Variants in SPAG16 observed in about 807,000 individuals in gnomAD.
SPAG16 encodes the protein sperm-associated antigen 16 protein.
Under a neutral mutation model 80.4 loss-of-function variants are expected in SPAG16, and 86 were observed. That is an observed-to-expected ratio of 1.07 (90% CI 0.90 to 1.28). The LOEUF is 1.28. Ranked by LOEUF, SPAG16 falls within the 50% of genes most tolerant of loss-of-function variation. The pLI, the probability that SPAG16 is intolerant of heterozygous loss-of-function variation, is 0.00. For synonymous variants in SPAG16, 294 were observed against 265.9 expected (o/e 1.11, Z -1.03); for missense variants, 870 against 765.3 (o/e 1.14, Z -1.61).
At chr2:214,014,384 G>T (rs2047481779) in intron 13 of SPAG16, among the ~76,000 whole-genome samples, 1 of 152,186 alleles carries the variant, frequency 6.6e-6, no homozygotes. Flanking sequence ...CCTCCTTAAG[G>T]ATCTTTTAGC....
chr2:213,609,161 C>T (rs2061362963), intron 10 of SPAG16, among the ~76,000 whole-genome samples: 1 of 152,226 alleles, frequency 6.6e-6, no homozygotes, highest in Non-Finnish European at 1.5e-5. Context: ...ACATTATCCA[C>T]TGAATTTTTC....
At chr2:213,886,670 A>T (rs2076567925) in intron 11 of SPAG16, among the ~76,000 whole-genome samples, 1 of 152,132 alleles carries the variant, frequency 6.6e-6, no homozygotes, top group African/African-American at 2.4e-5. Flanking sequence ...GGAAACAAGC[A>T]ACTATCACAG....
intron 14 of SPAG16, among the ~76,000 whole-genome samples, chr2:214,111,636 T>C (rs2053669392): frequency 6.6e-6 from 1 of 152,128 alleles, no homozygotes; most frequent in African/African-American, 2.4e-5. Context: ...TTCCTGAACT[T>C]TAAAGTAGTT....
chr2:214,097,044 A>G (rs1357029787), intron 13 of SPAG16, among the ~76,000 whole-genome samples: 1 of 152,076 alleles, frequency 6.6e-6, no homozygotes, highest in East Asian at 1.9e-4. Context: ...AAATTGCTCT[A>G]TTGTATTAAA....
intron 9 of SPAG16, among the ~76,000 whole-genome samples, chr2:213,446,968 G>A (rs2071357636): frequency 6.6e-6 from 1 of 152,170 alleles, no homozygotes; most frequent in Admixed American, 6.5e-5. Context: ...ACAAATGAAA[G>A]GGGGAGTAAT....
chr2:213,362,079 G>T (rs1395909344), intron 7 of SPAG16, among the ~76,000 whole-genome samples: 1 of 151,996 alleles, frequency 6.6e-6, no homozygotes, highest in East Asian at 1.9e-4. Flanking sequence ...CCCAGATGTT[G>T]GGCACAAGGG....
chr2:213,994,669 T>C (rs1309352027), intron 12 of SPAG16, among the ~76,000 whole-genome samples: 3 of 151,978 alleles, frequency 2.0e-5, no homozygotes, highest in African/African-American at 7.2e-5. Context: ...GTGGATTTCC[T>C]TACATATTCA....
In SPAG16 at chr2:214,194,228, G is replaced by C. The variant is rs376546548; in HGVS notation, c.1720+44962G>C. On this transcript the variant is annotated intron_variant, in intron 15 of 15. Coordinates refer to ENST00000331683, the MANE Select transcript of SPAG16 (RefSeq NM_024532.5). ...ATACATGAAAATTCACTTCAGTCTTGATTAAAGACAAAATATGCCCTGGAT... is the reference window on the plus strand; with the variant it reads ...ATACATGAAAATTCACTTCAGTCTTCATTAAAGACAAAATATGCCCTGGAT... Among the ~76,000 whole-genome samples the C allele has an allele frequency of 1.1e-4, 17 of 152,074 alleles. No individual in the cohort carries two copies. In the South Asian group the frequency reaches 3.5e-3, roughly 32 times the overall value.
At chr2:213,908,701 AC>A (rs1352503286) in intron 11 of SPAG16, among the ~76,000 whole-genome samples, 1 of 151,606 alleles carries the variant, frequency 6.6e-6, no homozygotes, top group Non-Finnish European at 1.5e-5. Flanking sequence ...AGGCAGGAAC[AC>A]TTGGATATAG....
At chr2:213,983,827 G>A (rs2045881814) in intron 12 of SPAG16, among the ~76,000 whole-genome samples, 1 of 151,978 alleles carries the variant, frequency 6.6e-6, no homozygotes, top group African/African-American at 2.4e-5. Context: ...AGAGCATAAT[G>A]TAGATAGAAA....
At chr2:213,724,095 G>T (rs558130932) in intron 10 of SPAG16, among the ~76,000 whole-genome samples, 2 of 152,124 alleles carry the variant, frequency 1.3e-5, no homozygotes, top group South Asian at 2.1e-4. Flanking sequence ...AACAGACATA[G>T]GTCTGCTTCT....
At chr2:213,742,479 C>T (rs537188754) in intron 10 of SPAG16, among the ~76,000 whole-genome samples, 1 of 151,828 alleles carries the variant, frequency 6.6e-6, no homozygotes, top group Non-Finnish European at 1.5e-5. Context: ...CCACTGATCA[C>T]CTCACATAAA....
intron 14 of SPAG16, among the ~76,000 whole-genome samples, chr2:214,145,137 G>T (rs1042656391): frequency 3.9e-5 from 6 of 151,928 alleles, no homozygotes; most frequent in African/African-American, 1.4e-4. Context: ...AATTATTAAT[G>T]ACCTCATTAA....
chr2:213,505,080 A>G (rs1467193520), intron 10 of SPAG16, among the ~76,000 whole-genome samples: 1 of 152,214 alleles, frequency 6.6e-6, no homozygotes, highest in African/African-American at 2.4e-5. Context: ...TGTATCAGTG[A>G]CATTTTGGTA....
At position 213,836,455 on chromosome 2, in the gene SPAG16, A is replaced by G. The variant is rs532299409; in HGVS notation, c.1071-26030A>G. Among the ~76,000 whole-genome samples, 5 of 152,104 alleles carry G rather than the reference A, an allele frequency of 3.3e-5. No homozygotes were observed. The South Asian group carries it at 1.0e-3, about 32-fold the overall frequency. On this transcript the variant is annotated intron_variant, in intron 10 of 15. Transcript: ENST00000331683. ...AAAAACATTGCTGTTATTATTTTGC[A>G]TTTGCATTGGTTGTTATGATGCTTT... is the stretch of plus-strand genomic sequence containing the variant.
intron 15 of SPAG16, among the ~76,000 whole-genome samples, chr2:214,217,560 C>G (rs1412822192): frequency 6.6e-6 from 1 of 152,298 alleles, no homozygotes; most frequent in Non-Finnish European, 1.5e-5. Flanking sequence ...GTTTATCCCA[C>G]CACTCTTAAG....
intron 10 of SPAG16, among the ~76,000 whole-genome samples, chr2:213,640,704 C>T (rs1368445673): frequency 6.6e-6 from 1 of 152,178 alleles, no homozygotes; most frequent in East Asian, 1.9e-4. Flanking sequence ...GTTTAGTCCA[C>T]TGTCTTTTTT....
At chr2:213,420,625 G>A (rs2069527068) in intron 9 of SPAG16, among the ~76,000 whole-genome samples, 1 of 152,108 alleles carries the variant, frequency 6.6e-6, no homozygotes, top group Admixed American at 6.5e-5. Context: ...TTGTCTTAAG[G>A]CCATATATTG....
At chr2:213,605,538 A>G (rs571376143) in intron 10 of SPAG16, among the ~76,000 whole-genome samples, 1 of 152,132 alleles carries the variant, frequency 6.6e-6, no homozygotes, top group African/African-American at 2.4e-5. Context: ...TCCCTGGGCT[A>G]GTGTGCAATG....
Sources: gnomAD v4.1 joint callset for allele counts (sites outside exome capture counted in the v4.1 genomes callset) on GRCh38, gnomAD v4.1.1 for gene constraint, MANE v1.5 for transcripts, NCBI Gene and HGNC (gene_info 2026-07-23, HGNC 2026-07-21) for gene names.